MYO16: variants seen among roughly 807,000 people sequenced by gnomAD.
MYO16 encodes unconventional myosin-XVI.
A neutral mutation model predicts 205.3 loss-of-function variants in MYO16; 94 were observed. The observed-to-expected ratio is 0.46, with a 90% CI of 0.39 to 0.54. MYO16 has a LOEUF of 0.54. Among genes scored for constraint, MYO16 ranks in the 20% least tolerant of loss-of-function variants. The pLI, the probability that MYO16 is intolerant of heterozygous loss-of-function variation, is 0.00. For missense variants in MYO16, 2,315 were observed against 2,387.5 expected (o/e 0.97, Z 0.63); for synonymous variants, 988 against 954.0 (o/e 1.04, Z -0.66).
chr13:108,737,683 A>G (rs1369032176), intron 4 of MYO16, among the ~76,000 whole-genome samples: 2 of 152,066 alleles, frequency 1.3e-5, no homozygotes, highest in Non-Finnish European at 2.9e-5. Flanking sequence ...CTCTTTTTCT[A>G]TTGATTGGAA....
At chr13:108,545,003 T>A in the MYO16 span, among the ~76,000 whole-genome samples, 23 of 151,926 alleles carry the variant, frequency 1.5e-4, no homozygotes, top group East Asian at 5.8e-4. Context: ...CTTTTTTTTT[T>A]AATTTTACTT....
At chr13:109,182,706 A>G (rs1879505626) in intron 34 of MYO16, among the ~76,000 whole-genome samples, 1 of 152,210 alleles carries the variant, frequency 6.6e-6, no homozygotes, top group Non-Finnish European at 1.5e-5. Context: ...TTTGTTCTCA[A>G]AATAGATGCA....
At chr13:108,907,927 G>T (rs116170797) in intron 15 of MYO16, among the ~76,000 whole-genome samples, 2,057 of 152,130 alleles carry the variant, frequency 0.014, 34 homozygotes, top group African/African-American at 0.047. Context: ...ATGCCTAAAG[G>T]CTAGAAAAAA....
chr13:109,072,894 A>T (rs976106783), intron 27 of MYO16, among the ~76,000 whole-genome samples: 16 of 152,210 alleles, frequency 1.1e-4, no homozygotes, highest in African/African-American at 3.9e-4. Flanking sequence ...CTTTACTCTC[A>T]TCTTCTTTCC....
chr13:109,181,632 G>A (rs1879454591), intron 34 of MYO16, among the ~76,000 whole-genome samples: 1 of 152,054 alleles, frequency 6.6e-6, no homozygotes, highest in African/African-American at 2.4e-5. Flanking sequence ...GGGCGTTATG[G>A]TAGATAAAGA....
At chr13:108,982,814 T>C (rs1884490518) in intron 20 of MYO16, among the ~76,000 whole-genome samples, 1 of 152,130 alleles carries the variant, frequency 6.6e-6, no homozygotes. Context: ...GACCTATGAG[T>C]CTATAATTCC....
At chr13:108,572,469 T>G in the MYO16 span, among the ~76,000 whole-genome samples, 3 of 152,194 alleles carry the variant, frequency 2.0e-5, no homozygotes, top group African/African-American at 7.2e-5. Context: ...CCATCAAGAT[T>G]ATCTGCTCCA....
In MYO16 at chr13:108,844,479, A is replaced by C. The variant is rs754732474; in HGVS notation, c.1234A>C (p.Thr412Pro). The C allele has an allele frequency of 6.2e-7, 1 of 1,610,678 alleles. No individual in the cohort carries two copies. Among genetic ancestry groups the C allele is most frequent in the Admixed American group, 1.7e-5 (1 of 59,810 alleles). ...TGAAAACCCCATGATGAGCGGTTCC[A>C]CCAAACCCGAGCAGGTAATCATGCT... ...IPENPMMSGS[T>P]KPEQVKLMPP... is the part of the protein sequence containing the mutation. The change falls in exon 10 of 35, where the codon ACC (threonine) becomes CCC (proline). Residue 412 changes from threonine to proline, a missense_variant. Coordinates refer to ENST00000457511, the MANE Select transcript of MYO16 (RefSeq NM_001198950.3).
At chr13:109,172,501 T>A (rs1878963664) in intron 33 of MYO16, among the ~76,000 whole-genome samples, 2 of 152,216 alleles carry the variant, frequency 1.3e-5, no homozygotes, top group African/African-American at 4.8e-5. Flanking sequence ...TAGATTGAAA[T>A]GCTCAGTCTG....
At chr13:108,943,865 G>A (rs571313661) in intron 16 of MYO16, among the ~76,000 whole-genome samples, 1 of 152,332 alleles carries the variant, frequency 6.6e-6, no homozygotes, top group Admixed American at 6.5e-5. Flanking sequence ...GATTACAGGC[G>A]AGAGCCACCG....
At chr13:108,754,458 T>C (rs34874043) in intron 4 of MYO16, among the ~76,000 whole-genome samples, 23,774 of 152,226 alleles carry the variant, frequency 0.16, 2,113 homozygotes, top group Non-Finnish European at 0.21. Context: ...GAAAACTATA[T>C]TGACATACTG....
intron 34 of MYO16, among the ~76,000 whole-genome samples, chr13:109,193,334 C>T (rs1450037205): frequency 2.0e-5 from 3 of 152,128 alleles, no homozygotes; most frequent in Non-Finnish European, 4.4e-5. Flanking sequence ...ACAGAAGTGC[C>T]TCTCTTACCT....
the MYO16 span, among the ~76,000 whole-genome samples, chr13:108,577,697 G>A: frequency 1.3e-5 from 2 of 152,284 alleles, no homozygotes; most frequent in East Asian, 3.9e-4. Flanking sequence ...CAGACACTTT[G>A]CACTGACTAC....
chr13:109,149,213 G>C (rs750490029), intron 32 of MYO16, among the ~76,000 whole-genome samples: 2 of 152,178 alleles, frequency 1.3e-5, no homozygotes. Context: ...AGGTGCATAC[G>C]TATAATGGGA....
intron 7 of MYO16, among the ~76,000 whole-genome samples, chr13:108,818,165 C>T (rs1264432619): frequency 2.0e-5 from 3 of 152,158 alleles, no homozygotes; most frequent in African/African-American, 7.2e-5. Context: ...GGGCTGATCA[C>T]TTGAGGTTAG....
At chr13:108,924,980 G>A (rs765279752) in intron 16 of MYO16, among the ~76,000 whole-genome samples, 33 of 152,128 alleles carry the variant, frequency 2.2e-4, no homozygotes, top group Admixed American at 5.9e-4. Context: ...GGAAAGGGCC[G>A]TACTTGTCTT....
chr13:109,074,546 A>G (rs766402044), intron 27 of MYO16, among the ~76,000 whole-genome samples: 35 of 152,194 alleles, frequency 2.3e-4, no homozygotes, highest in Non-Finnish European at 5.0e-4. Context: ...AGAACTCTCT[A>G]TCACGAGAAC....
At chr13:108,601,518 G>C (rs1878762726) in intron 1 of MYO16, among the ~76,000 whole-genome samples, 1 of 151,580 alleles carries the variant, frequency 6.6e-6, no homozygotes, top group African/African-American at 2.4e-5. Context: ...GGACTAGACA[G>C]TTTATTTCTT....
At chr13:108,722,807 C>T (rs1455648583) in intron 3 of MYO16, among the ~76,000 whole-genome samples, 2 of 152,118 alleles carry the variant, frequency 1.3e-5, no homozygotes, top group East Asian at 1.9e-4. Context: ...GTCCTTGTAC[C>T]CAAACCTGAA....
Sources: allele counts gnomAD v4.1 joint callset (sites outside exome capture counted in the v4.1 genomes callset), GRCh38; gene constraint gnomAD v4.1.1; transcripts MANE v1.5; gene names NCBI Gene and HGNC (gene_info 2026-07-23, HGNC 2026-07-21).